Variants in UBE2O observed in about 807,000 individuals in gnomAD.
The protein encoded by UBE2O is ubiquitin conjugating enzyme E2 O.
In UBE2O, 15 loss-of-function variants were observed where a neutral mutation model predicts 125.8. The ratio of observed to expected loss-of-function variants is 0.12; its 90% CI spans 0.08 to 0.18. The LOEUF (loss-of-function observed/expected upper bound fraction) is 0.18. Ranked by LOEUF, UBE2O falls within the 10% of genes least tolerant of loss-of-function variation. The pLI is 1.00. For missense variants in UBE2O, 1,280 were observed against 1,723.6 expected (o/e 0.74, Z 4.56); for synonymous variants, 708 against 703.2 (o/e 1.01, Z -0.11).
chr17:76,409,404 T>C (rs1359339305), intron 1 of UBE2O, among the ~76,000 whole-genome samples: 1 of 141,464 alleles, frequency 7.1e-6, no homozygotes, highest in East Asian at 2.3e-4. Flanking sequence ...CACACTACTT[T>C]TTTTTTTTTT....
chr17:76,424,714 A>G (rs1006018556), intron 1 of UBE2O, among the ~76,000 whole-genome samples: 1 of 151,322 alleles, frequency 6.6e-6, no homozygotes, highest in Non-Finnish European at 1.5e-5. Flanking sequence ...ATCTCTACAT[A>G]AAAAAATGGC....
intron 1 of UBE2O, among the ~76,000 whole-genome samples, chr17:76,417,150 C>T (rs1282921427): frequency 6.6e-6 from 1 of 152,200 alleles, no homozygotes; most frequent in East Asian, 1.9e-4. Context: ...AGAGCTTGTC[C>T]CCTAAACACC....
At position 76,398,888 on chromosome 17, in the gene UBE2O, GGTGCACAGGGAA is replaced by G; in HGVS notation, c.1720_1731del (p.Phe574_His577del). ...GGGCAGAACTCGTTGTTGTCCAGGT[GGTGCACAGGGAA>G]GAGGTCGTTGGAGCGGATGTTGCAT... On this transcript the variant is annotated inframe_deletion, in exon 10 of 18. Coordinates refer to ENST00000319380, the MANE Select transcript of UBE2O (RefSeq NM_022066.4). This position sits in a 1 kb window ranked among gnomAD's most constrained non-coding sequence, Gnocchi z 5.4. The G allele has an allele frequency of 6.2e-7, 1 of 1,614,174 alleles. No homozygotes were observed. Among genetic ancestry groups the G allele is most frequent in the Non-Finnish European group, 8.5e-7 (1 of 1,180,034 alleles).
At chr17:76,438,714 T>G (rs1451079465) in intron 1 of UBE2O, among the ~76,000 whole-genome samples, 1 of 152,214 alleles carries the variant, frequency 6.6e-6, no homozygotes, top group African/African-American at 2.4e-5. Flanking sequence ...GAAAAATCCC[T>G]TAAATCCATC....
In UBE2O at chr17:76,399,529, G is replaced by T; in HGVS notation, c.1548C>A (p.Ile516=). ...GCTTTAAGTTCTTGATGGACAAGGGGATGCTCTTTTTGCGACTCGTGCCGC... is the reference window on the plus strand; with the variant it reads ...GCTTTAAGTTCTTGATGGACAAGGGTATGCTCTTTTTGCGACTCGTGCCGC... ...SGSGTSRKKS[I]PLSIKNLKRK... is the part of the protein sequence containing the mutation. Residue 516 remains isoleucine, a synonymous_variant, in exon 9 of 18, where the codon ATC becomes ATA. Coordinates refer to ENST00000319380, the MANE Select transcript of UBE2O (RefSeq NM_022066.4). This position sits in a 1 kb window ranked among gnomAD's most constrained non-coding sequence, Gnocchi z 6.9. 6.2e-7 allele frequency: 1 copy of T among 1,614,226 alleles called. No homozygotes were observed. Among genetic ancestry groups the T allele is most frequent in the Non-Finnish European group, 8.5e-7 (1 of 1,180,044 alleles).
In UBE2O at chr17:76,399,553, G is replaced by A. The variant is rs1366072460; in HGVS notation, c.1524C>T (p.Ser508=). The change falls in exon 9 of 18, where the codon AGC becomes AGT. Residue 508 remains serine, a synonymous_variant. Transcript: ENST00000319380. This position sits in a 1 kb window ranked among gnomAD's most constrained non-coding sequence, Gnocchi z 6.9. ...ASSTTSSQSG[S]GTSRKKSIPL... ...GGATGCTCTTTTTGCGACTCGTGCC[G>A]CTGCCGCTCTGGGAGGAAGTGGTGG... 9.3e-6 allele frequency: 15 copies of A among 1,614,070 alleles called. No individual in the cohort carries two copies. Among genetic ancestry groups the A allele is most frequent in the Admixed American group, 5.0e-5 (3 of 60,000 alleles).
Position 76,399,584 on chromosome 17 carries a change from GCA to G in UBE2O, c.1491_1492del (p.Ala498GlnfsTer35), listed in dbSNP as rs763120879. On this transcript the variant is annotated frameshift_variant, in exon 9 of 18. Transcript: ENST00000319380. LOFTEE classifies it high-confidence loss of function. This position sits in a 1 kb window ranked among gnomAD's most constrained non-coding sequence, Gnocchi z 6.9. ...GCTCTGGGAGGAAGTGGTGGAGCTGGCAGAGGAGGTCACCGAACTGGTGTCGT... is the reference window on the plus strand; with the variant it reads ...GCTCTGGGAGGAAGTGGTGGAGCTGGGAGGAGGTCACCGAACTGGTGTCGT... The G allele has an allele frequency of 6.2e-7, 1 of 1,614,206 alleles. No individual in the cohort carries two copies. The highest frequency in any genetic ancestry group is 1.7e-5 in the Admixed American group (1 of 60,008).
intron 1 of UBE2O, among the ~76,000 whole-genome samples, chr17:76,424,956 C>T (rs1391941341): frequency 1.7e-4 from 26 of 150,962 alleles, no homozygotes; most frequent in Non-Finnish European, 3.5e-4. Flanking sequence ...CTGCAAGCTC[C>T]GCCTCCCAGG....
Position 76,398,728 on chromosome 17 carries a change from G to C in UBE2O, c.1783+109C>G. The C allele has an allele frequency of 6.7e-7, 1 of 1,503,712 alleles. No individual in the cohort carries two copies. Among genetic ancestry groups the C allele is most frequent in the Non-Finnish European group, 9.1e-7 (1 of 1,102,572 alleles). 93.1% of individuals were successfully genotyped at this position (1,503,712 alleles called of 1,614,324 possible). On this transcript the variant is annotated intron_variant, in intron 10 of 17. Transcript: ENST00000319380. This position sits in a 1 kb window ranked among gnomAD's most constrained non-coding sequence, Gnocchi z 5.4. ...CCTTCATGAGGGCAGTCCCCTTCTGGACCTCATTTTAGCTCTGACCCCAGA... is the reference window on the plus strand; with the variant it reads ...CCTTCATGAGGGCAGTCCCCTTCTGCACCTCATTTTAGCTCTGACCCCAGA...
At chr17:76,445,853 T>C (rs959288874) in intron 1 of UBE2O, among the ~76,000 whole-genome samples, 5 of 152,236 alleles carry the variant, frequency 3.3e-5, no homozygotes, top group Non-Finnish European at 5.9e-5. Flanking sequence ...CTGGCTGGAA[T>C]GTCAGAAGAT....
chr17:76,416,500 AG>A (rs1385649146), intron 1 of UBE2O, among the ~76,000 whole-genome samples: 2 of 152,150 alleles, frequency 1.3e-5, no homozygotes, highest in African/African-American at 4.8e-5. Flanking sequence ...GCTCCCCAGG[AG>A]AAGAGGAGCC....
At chr17:76,397,751 A>G in intron 13 of UBE2O, 48 bp downstream of exon 13, 1 of 1,591,714 alleles carries the variant, frequency 6.3e-7, no homozygotes, top group Non-Finnish European at 8.6e-7. Context: ...CCCCGGCCCA[A>G]GTTGCCATAG....
Position 76,398,755 on chromosome 17 carries a change from C to A in UBE2O, c.1783+82G>T. 6.4e-7 allele frequency: 1 copy of A among 1,554,294 alleles called. No individual in the cohort carries two copies. The highest frequency in any genetic ancestry group is 8.7e-7 in the Non-Finnish European group (1 of 1,143,212). ...CCTCATTTTAGCTCTGACCCCAGAT[C>A]CACTGCCCATTCTCCACAAGCCCCA... On this transcript the variant is annotated intron_variant, in intron 10 of 17. Transcript: ENST00000319380. This position sits in a 1 kb window ranked among gnomAD's most constrained non-coding sequence, Gnocchi z 5.4.
chr17:76,451,208 C>T (rs1389231723), intron 1 of UBE2O, among the ~76,000 whole-genome samples: 1 of 152,226 alleles, frequency 6.6e-6, no homozygotes, highest in Non-Finnish European at 1.5e-5. Context: ...TTCTTAAAAA[C>T]TCACAGAAAG....
chr17:76,433,360 C>A (rs1389777688), intron 1 of UBE2O, among the ~76,000 whole-genome samples: 2 of 146,360 alleles, frequency 1.4e-5, no homozygotes, highest in Admixed American at 1.4e-4. Flanking sequence ...TAGTATGCTT[C>A]CATTTATATG....
chr17:76,448,510 T>TCA (rs943887821), intron 1 of UBE2O, among the ~76,000 whole-genome samples: 3 of 152,192 alleles, frequency 2.0e-5, no homozygotes, highest in Non-Finnish European at 2.9e-5. Flanking sequence ...CAGGGATGTT[T>TCA]CACACACACA....
intron 1 of UBE2O, among the ~76,000 whole-genome samples, chr17:76,424,970 ATGCCATTCTCC>A (rs1266541854): frequency 6.7e-6 from 1 of 150,168 alleles, no homozygotes; most frequent in African/African-American, 2.5e-5. Flanking sequence ...TCCCAGGTTC[ATGCCATTCTCC>A]TGCCTCAGCC....
Position 76,398,214 on chromosome 17 carries a change from G to A in UBE2O, c.2025+41C>T. On this transcript the variant is annotated intron_variant, in intron 12 of 17. Transcript: ENST00000319380. The surrounding 1 kb of genome is among the most constrained non-coding windows in gnomAD (Gnocchi z 5.4). ...ATCAGGGACTGCAGCTGGTGCACAG[G>A]GCAGTGAGCAGCCATCCAGAACTTG... The A allele has an allele frequency of 1.9e-6, 3 of 1,613,412 alleles. No individual in the cohort carries two copies. The highest frequency in any genetic ancestry group is 2.5e-6 in the Non-Finnish European group (3 of 1,179,616).
intron 1 of UBE2O, among the ~76,000 whole-genome samples, chr17:76,436,797 T>C (rs767748264): frequency 5.3e-5 from 8 of 152,104 alleles, no homozygotes; most frequent in Non-Finnish European, 8.8e-5. Context: ...GGACAGAGTA[T>C]AAAATGGGGA....
Sources: gnomAD v4.1 joint callset for allele counts (sites outside exome capture counted in the v4.1 genomes callset) on GRCh38, gnomAD v4.1.1 for gene constraint, Gnocchi (gnomAD v3.1) non-coding constraint, MANE v1.5 for transcripts, NCBI Gene and HGNC (gene_info 2026-07-23, HGNC 2026-07-21) for gene names.